Variants in ATP5MC2 observed in about 807,000 individuals in gnomAD.
ATP5MC2 encodes the protein ATP synthase membrane subunit c locus 2, also known as ATP synthase F(0) complex subunit C2, mitochondrial.
A neutral mutation model predicts 13.5 loss-of-function variants in ATP5MC2; 11 were observed. The observed-to-expected ratio is 0.81, with a 90% CI of 0.51 to 1.35. The LOEUF (loss-of-function observed/expected upper bound fraction) is 1.35, where lower values mean the gene tolerates loss of function less well. Among genes scored for constraint, ATP5MC2 ranks in the 40% most tolerant of loss-of-function variants. ATP5MC2 has a pLI of 0.00. For missense variants in ATP5MC2, 132 were observed against 175.0 expected (o/e 0.75, Z 1.39); for synonymous variants, 64 against 69.7 (o/e 0.92, Z 0.41).
intron 2 of ATP5MC2, among the ~76,000 whole-genome samples, chr12:53,672,088 A>AAAAAAAAAAAAAAAAAAAAAAAAT (rs1945112944): frequency 6.7e-6 from 1 of 149,382 alleles, no homozygotes; most frequent in African/African-American, 2.5e-5. Context: ...TGTCTCAAAA[A>AAAAAAAAAAAAAAAAAAAAAAAAT]AAAAAAAAAA....
At chr12:53,679,226 T>C (rs1945326508), upstream of ATP5MC2, among the ~76,000 whole-genome samples, 1 of 122,496 alleles carries the variant, frequency 8.2e-6, no homozygotes, top group African/African-American at 3.7e-5. Flanking sequence ...GAAACAGGAG[T>C]GATTTTAAAA....
upstream of ATP5MC2, among the ~76,000 whole-genome samples, chr12:53,680,225 A>G (rs1162166518): frequency 6.6e-6 from 1 of 152,168 alleles, no homozygotes; most frequent in Non-Finnish European, 1.5e-5. Context: ...AGCTCAAGCG[A>G]TCTGCCTACC....
chr12:53,667,760 G>T (rs1372395649), intron 4 of ATP5MC2, among the ~76,000 whole-genome samples: 1 of 151,838 alleles, frequency 6.6e-6, no homozygotes, highest in Admixed American at 6.6e-5. Context: ...CTCCCAAAGT[G>T]CTGGGATTAT....
chr12:53,666,725 A>C (rs1944924210), intron 4 of ATP5MC2, among the ~76,000 whole-genome samples: 1 of 151,786 alleles, frequency 6.6e-6, no homozygotes, highest in Admixed American at 6.6e-5. Context: ...ACACAGTTGC[A>C]CTCCAGCCTG....
At chr12:53,678,114 C>A (rs929985509), upstream of ATP5MC2, among the ~76,000 whole-genome samples, 2 of 152,192 alleles carry the variant, frequency 1.3e-5, no homozygotes, top group African/African-American at 4.8e-5. Flanking sequence ...CCCTTGCCCT[C>A]ATAGAATAAT....
At chr12:53,668,746 C>T (rs775834120) in intron 4 of ATP5MC2, among the ~76,000 whole-genome samples, 18 of 151,922 alleles carry the variant, frequency 1.2e-4, no homozygotes, top group Admixed American at 2.0e-4. Context: ...AGGTCAAGCG[C>T]GGGGGCTCAT....
chr12:53,670,037 A>G (rs539259937), intron 2 of ATP5MC2, 89 bp from the exon 3 acceptor site: 1 of 1,241,202 alleles, frequency 8.1e-7, no homozygotes. Flanking sequence ...TCATCAGACA[A>G]GATTTTCTTT....
upstream of ATP5MC2, among the ~76,000 whole-genome samples, chr12:53,679,279 G>GAGAGAGAC (rs1259614045): frequency 3.0e-5 from 4 of 135,268 alleles, no homozygotes; most frequent in African/African-American, 1.1e-4. Flanking sequence ...GAGAGAGAGA[G>GAGAGAGAC]ACCAGGGCAC....
Position 53,672,427 on chromosome 12 carries a change from G to C in ATP5MC2, c.39+149C>G, listed in dbSNP as rs750203782. On this transcript the variant is annotated intron_variant, in intron 2 of 4. Transcript: ENST00000394349. The stretch of plus-strand genomic sequence containing the variant: ...AGTAGAGATGGGGTTTCGCCATGTT[G>C]GCCAGGCTGGTTTTGAACTCCTGGC... 3.6e-6 allele frequency: 3 copies of C among 822,866 alleles called. No individual in the cohort carries two copies. In the African/African-American group the frequency reaches 5.1e-5, roughly 14 times the overall value. The allele number at this position is 822,866 out of a possible 1,614,324, so 51.0% of individuals were successfully genotyped here.
upstream of ATP5MC2, among the ~76,000 whole-genome samples, chr12:53,680,408 G>A (rs1284693927): frequency 3.9e-5 from 6 of 152,202 alleles, no homozygotes; most frequent in Admixed American, 2.6e-4. Flanking sequence ...TAAGAAAGAC[G>A]TGTACACATA....
At chr12:53,674,622 T>A (rs1447174818) in intron 1 of ATP5MC2, among the ~76,000 whole-genome samples, 1 of 152,226 alleles carries the variant, frequency 6.6e-6, no homozygotes, top group East Asian at 1.9e-4. Flanking sequence ...CACTTCTGAA[T>A]CCAACATCTT....
chr12:53,666,394 G>A (rs759764655), intron 4 of ATP5MC2, among the ~76,000 whole-genome samples: 1 of 151,998 alleles, frequency 6.6e-6, no homozygotes. Context: ...TAGCTAATAC[G>A]GTGACACCCT....
chr12:53,676,483 AG>A, upstream of ATP5MC2: 1 of 328,664 alleles, frequency 3.0e-6, no homozygotes, highest in Non-Finnish European at 5.7e-6. Context: ...AGCAGGAGGA[AG>A]ATCTTGGGAG....
chr12:53,669,778 G>A, intron 3 of ATP5MC2, 93 bp downstream of exon 3: 1 of 1,342,696 alleles, frequency 7.4e-7, no homozygotes, highest in Non-Finnish European at 1.1e-6. Context: ...AGCCTGTGAT[G>A]ACTGTCCTCA....
intron 4 of ATP5MC2, among the ~76,000 whole-genome samples, chr12:53,667,952 C>CATATATAT (rs71068162): frequency 8.1e-5 from 9 of 110,766 alleles, no homozygotes; most frequent in African/African-American, 2.9e-4. Context: ...CATACATACA[C>CATATATAT]ACACATATAT....
chr12:53,681,259 C>T (rs1226077847), upstream of ATP5MC2, among the ~76,000 whole-genome samples: 1 of 151,564 alleles, frequency 6.6e-6, no homozygotes, highest in Non-Finnish European at 1.5e-5. Flanking sequence ...GGCATGGTGG[C>T]TCATGTCTGT....
intron 4 of ATP5MC2, among the ~76,000 whole-genome samples, chr12:53,668,435 C>T (rs1161842734): frequency 6.6e-6 from 1 of 151,722 alleles, no homozygotes; most frequent in Non-Finnish European, 1.5e-5. Context: ...TCCTGAATAG[C>T]TGGGATTATA....
chr12:53,678,493 T>G (rs1350250418), upstream of ATP5MC2, among the ~76,000 whole-genome samples: 2 of 152,220 alleles, frequency 1.3e-5, no homozygotes, highest in Non-Finnish European at 1.5e-5. Flanking sequence ...TGAAAGAGAC[T>G]CAACTACACT....
upstream of ATP5MC2, chr12:53,676,328 T>TG (rs1945277130): frequency 3.7e-6 from 5 of 1,366,572 alleles, no homozygotes; most frequent in Non-Finnish European, 4.0e-6. Context: ...TAACGTGGAC[T>TG]GCGGTTTGGT....
Sources: gnomAD v4.1 joint callset for allele counts (sites outside exome capture counted in the v4.1 genomes callset) on GRCh38, gnomAD v4.1.1 for gene constraint, MANE v1.5 for transcripts, NCBI Gene and HGNC (gene_info 2026-07-23, HGNC 2026-07-21) for gene names.